Variants in CDH12 observed in about 807,000 individuals in gnomAD.
CDH12 encodes the protein cadherin-12.
CDH12 carries 41 observed loss-of-function variants against 74.1 expected under a neutral mutation model. The ratio of observed to expected loss-of-function variants is 0.55; its 90% CI spans 0.43 to 0.72. The LOEUF is 0.72. Among genes scored for constraint, CDH12 ranks in the 30% least tolerant of loss-of-function variants. The pLI, the probability that CDH12 is intolerant of heterozygous loss-of-function variation, is 0.00. For synonymous variants in CDH12, 399 were observed against 355.0 expected, an observed-to-expected ratio of 1.12 and a Z score of -1.39; for missense variants, 945 against 977.2, an observed-to-expected ratio of 0.97 and a Z score of 0.44.
chr5:22,351,764 T>C (rs1245203240), intron 3 of CDH12, among the ~76,000 whole-genome samples: 1 of 152,240 alleles, frequency 6.6e-6, no homozygotes, highest in Non-Finnish European at 1.5e-5. Flanking sequence ...TTTGGTCATT[T>C]AGTAACATAT....
intron 1 of CDH12, among the ~76,000 whole-genome samples, chr5:22,685,065 G>A (rs1038551903): frequency 2.0e-5 from 3 of 152,060 alleles, no homozygotes; most frequent in Non-Finnish European, 4.4e-5. Context: ...GTGATTTAAA[G>A]TCAAAATTCT....
In CDH12 at chr5:22,238,559, C is replaced by T. The variant is rs190588872; in HGVS notation, c.-332-25916G>A. ...TATGAGAGCAAGTCTAAAAATGGGG[C>T]AGATCATGGAAAGAAAAGAAAAAGC... On this transcript the variant is annotated intron_variant, in intron 3 of 14. Transcript: ENST00000382254. Among the ~76,000 whole-genome samples, 7 of 152,150 alleles carry T rather than the reference C, an allele frequency of 4.6e-5. No individual in the cohort carries two copies. The East Asian group carries it at 1.4e-3, about 29-fold the overall frequency.
intron 3 of CDH12, among the ~76,000 whole-genome samples, chr5:22,383,053 A>C (rs1014194750): frequency 6.6e-6 from 1 of 151,062 alleles, no homozygotes; most frequent in Non-Finnish European, 1.5e-5. Context: ...GCTGGTCTTA[A>C]ACTCCCGACC....
chr5:22,278,697 T>G (rs2150405123), intron 3 of CDH12, among the ~76,000 whole-genome samples: 1 of 152,304 alleles, frequency 6.6e-6, no homozygotes, highest in South Asian at 2.1e-4. Context: ...AGCTTTGATT[T>G]TAATATACAC....
chr5:22,408,249 TAGA>T, intron 2 of CDH12, among the ~76,000 whole-genome samples: 1 of 58,960 alleles, frequency 1.7e-5, no homozygotes, highest in East Asian at 5.9e-4. Context: ...CAAGAAATCA[TAGA>T]TAGAGTTTCA....
intron 1 of CDH12, among the ~76,000 whole-genome samples, chr5:22,624,813 T>C (rs962417981): frequency 6.6e-6 from 1 of 152,184 alleles, no homozygotes; most frequent in African/African-American, 2.4e-5. Flanking sequence ...TTACTGGGTA[T>C]ATACCCAAAG....
intron 6 of CDH12, among the ~76,000 whole-genome samples, chr5:21,959,549 C>T (rs1206380015): frequency 2.0e-5 from 3 of 151,906 alleles, no homozygotes; most frequent in South Asian, 4.2e-4. Context: ...ATGTAGAAAA[C>T]AGAAAAAAGC....
chr5:22,845,891 T>C (rs1311500993), intron 1 of CDH12, among the ~76,000 whole-genome samples: 2 of 152,134 alleles, frequency 1.3e-5, no homozygotes, highest in Admixed American at 1.3e-4. Context: ...AGTATAAAAG[T>C]AGAAACAGAA....
At chr5:22,725,885 C>G (rs1744140419) in intron 1 of CDH12, among the ~76,000 whole-genome samples, 1 of 151,822 alleles carries the variant, frequency 6.6e-6, no homozygotes, top group South Asian at 2.1e-4. Context: ...ATAACTTACA[C>G]TCCGACATGA....
chr5:22,495,929 T>A (rs1747090448), intron 2 of CDH12, among the ~76,000 whole-genome samples: 2 of 152,188 alleles, frequency 1.3e-5, no homozygotes, highest in African/African-American at 4.8e-5. Flanking sequence ...TGGAACTTAC[T>A]TTTTTACAAA....
chr5:21,963,809 C>G (rs181144057), intron 6 of CDH12, among the ~76,000 whole-genome samples: 3 of 152,054 alleles, frequency 2.0e-5, no homozygotes, highest in African/African-American at 7.2e-5. Context: ...TTGTTTGGTC[C>G]ATCTTTGTGA....
At chr5:22,279,251 G>C (rs144285835) in intron 3 of CDH12, among the ~76,000 whole-genome samples, 1 of 152,234 alleles carries the variant, frequency 6.6e-6, no homozygotes, top group South Asian at 2.1e-4. Context: ...CAGCTATTAT[G>C]AATAGCTTCA....
At chr5:22,468,916 A>G (rs1745845759) in intron 2 of CDH12, among the ~76,000 whole-genome samples, 1 of 152,210 alleles carries the variant, frequency 6.6e-6, no homozygotes, top group African/African-American at 2.4e-5. Context: ...TACACTTTCT[A>G]TGTTCCTTTC....
intron 8 of CDH12, among the ~76,000 whole-genome samples, chr5:21,833,198 ATATATAT>A (rs1561225205): frequency 9.3e-5 from 4 of 42,990 alleles, no homozygotes; most frequent in Non-Finnish European, 1.3e-4. Flanking sequence ...AACATATAAT[ATATATAT>A]TATAATATAT....
intron 1 of CDH12, among the ~76,000 whole-genome samples, chr5:22,744,541 A>T (rs571114605): frequency 1.3e-5 from 2 of 152,220 alleles, no homozygotes; most frequent in African/African-American, 4.8e-5. Flanking sequence ...TTTATTTTAC[A>T]AATAAGTCAT....
intron 9 of CDH12, among the ~76,000 whole-genome samples, chr5:21,810,844 T>C (rs1747707952): frequency 2.0e-5 from 3 of 152,176 alleles, no homozygotes; most frequent in Admixed American, 2.0e-4. Context: ...ATGTAAAATA[T>C]TCCAAATTTT....
intron 3 of CDH12, among the ~76,000 whole-genome samples, chr5:22,219,188 A>G (rs898181023): frequency 6.6e-6 from 1 of 151,764 alleles, no homozygotes. Flanking sequence ...ACCGCAGGTG[A>G]CAATAAATTA....
intron 5 of CDH12, among the ~76,000 whole-genome samples, chr5:22,044,964 C>A (rs897460618): frequency 6.6e-6 from 1 of 152,056 alleles, no homozygotes; most frequent in African/African-American, 2.4e-5. Flanking sequence ...AGCTTCTATA[C>A]AGCAAATGAA....
intron 3 of CDH12, among the ~76,000 whole-genome samples, chr5:22,223,322 G>A (rs1450902708): frequency 6.6e-6 from 1 of 151,980 alleles, no homozygotes; most frequent in East Asian, 1.9e-4. Context: ...TCTATAATGA[G>A]AGCTGGCATA....
Sources: gnomAD v4.1 joint callset for allele counts (sites outside exome capture counted in the v4.1 genomes callset) on GRCh38, gnomAD v4.1.1 for gene constraint, MANE v1.5 for transcripts, NCBI Gene and HGNC (gene_info 2026-07-23, HGNC 2026-07-21) for gene names.